The following PCGF5 variants were observed in gnomAD, a reference collection of about 807,000 sequenced individuals.
PCGF5 encodes polycomb group RING finger protein 5.
Under a neutral mutation model 44.3 loss-of-function variants are expected in PCGF5, and 9 were observed. The ratio of observed to expected loss-of-function variants is 0.20; its 90% confidence interval spans 0.12 to 0.35. The LOEUF is 0.35. PCGF5 is among the 10% of genes least tolerant of loss of function. The pLI is 1.00. For missense variants in PCGF5, 146 were observed against 305.3 expected (o/e 0.48, Z 3.89); for synonymous variants, 95 against 102.5 (o/e 0.93, Z 0.44).
At chr10:91,255,400 C>T (rs1199529129) in intron 6 of PCGF5, among the ~76,000 whole-genome samples, 1 of 152,012 alleles carries the variant, frequency 6.6e-6, no homozygotes, top group African/African-American at 2.4e-5. Context: ...TCAGGAAGGA[C>T]CTGAGAAGGC....
At position 91,279,385 on chromosome 10, in the gene PCGF5, A is replaced by G. The variant is rs773741639; in HGVS notation, c.*1069A>G. The G allele has an allele frequency of 3.3e-5, 5 of 152,192 alleles. No homozygotes were observed. The highest frequency in any genetic ancestry group is 7.4e-5 in the Non-Finnish European group (5 of 68,016). 9.4% of individuals were successfully genotyped at this position (152,192 alleles called of 1,614,324 possible). ...CCAAACTATGTGCATAAAATAGAAT[A>G]AATGCAGTATAGAACTATGCTAACC... On this transcript the variant is annotated 3_prime_UTR_variant, in exon 10 of 10. Transcript: ENST00000336126.
At chr10:91,200,915 GATTACTGT>G (rs1423494825) in intron 1 of PCGF5, among the ~76,000 whole-genome samples, 2 of 152,102 alleles carry the variant, frequency 1.3e-5, no homozygotes, top group African/African-American at 4.8e-5. Flanking sequence ...CTGTGTTCGT[GATTACTGT>G]TGACAGAGGG....
chr10:91,157,602 T>C, the PCGF5 span, among the ~76,000 whole-genome samples: 1 of 152,068 alleles, frequency 6.6e-6, no homozygotes, highest in African/African-American at 2.4e-5. Flanking sequence ...AAGAGAGACA[T>C]CCCAAAGTGG....
chr10:91,265,213 AG>A (rs768091404), intron 8 of PCGF5, among the ~76,000 whole-genome samples: 21 of 152,176 alleles, frequency 1.4e-4, no homozygotes, highest in African/African-American at 4.6e-4. Flanking sequence ...GTAGTAACTT[AG>A]GTTCTACTAA....
intron 1 of PCGF5, among the ~76,000 whole-genome samples, chr10:91,201,085 A>G (rs940783464): frequency 6.6e-6 from 1 of 152,228 alleles, no homozygotes; most frequent in African/African-American, 2.4e-5. Flanking sequence ...AGAGCTGCCC[A>G]CTTAGACCAC....
intron 5 of PCGF5, 50 bp downstream of exon 5, chr10:91,248,774 C>T (rs768262987): frequency 9.6e-6 from 14 of 1,459,006 alleles, no homozygotes; most frequent in Non-Finnish European, 1.3e-5. Context: ...AACTGGTCAG[C>T]TTTTCATAGT....
intron 1 of PCGF5, among the ~76,000 whole-genome samples, chr10:91,168,124 A>G (rs1483700796): frequency 1.3e-5 from 2 of 152,180 alleles, no homozygotes; most frequent in Admixed American, 1.3e-4. Flanking sequence ...ATCTAGATGG[A>G]TGAGAGCCAT....
intron 5 of PCGF5, among the ~76,000 whole-genome samples, chr10:91,250,479 G>T: frequency 7.0e-6 from 1 of 143,480 alleles, no homozygotes. Flanking sequence ...CTCACATCCT[G>T]TATTTGTCTG....
chr10:91,233,422 A>T (rs958839742), intron 2 of PCGF5, among the ~76,000 whole-genome samples: 5 of 151,742 alleles, frequency 3.3e-5, no homozygotes, highest in African/African-American at 1.2e-4. Flanking sequence ...AAATAAAAAT[A>T]AAAAAAAATA....
chr10:91,220,995 G>C (rs950559191), intron 1 of PCGF5, among the ~76,000 whole-genome samples, 159 bp downstream of exon 1: 5 of 151,998 alleles, frequency 3.3e-5, no homozygotes, highest in Admixed American at 6.6e-5. Flanking sequence ...CCGGGCGGGG[G>C]CTTCGGAGCT....
rs139923896 is a variant in PCGF5 at position 91,184,004 on chromosome 10, G to A, written c.-184+20923G>A. Among the ~76,000 whole-genome samples the A allele has an allele frequency of 2.7e-3, 406 of 151,914 alleles. 2 individuals are homozygous for A. Among genetic ancestry groups the A allele is most frequent in the South Asian group, 0.015 (72 of 4,806 alleles). On this transcript the variant is annotated intron_variant, in intron 1 of 9. Transcript: ENST00000614189. Reference sequence around the variant, plus strand: ...TCACTGTCTTTAATATTTTTTCTTCGTTTCGACCTTGGATAATCTGATGAT... The same window carrying A: ...TCACTGTCTTTAATATTTTTTCTTCATTTCGACCTTGGATAATCTGATGAT...
chr10:91,185,994 C>T lies in PCGF5; in HGVS notation c.-184+22913C>T, dbSNP rs189237350. ...ATTCCTGTCTTTGAGAGCCACGCAC[C>T]CTAGCTGCTTCTAGTCAGCCATCTT... On this transcript the variant is annotated intron_variant, in intron 1 of 9. Coordinates refer to the PCGF5 transcript ENST00000614189. Among the ~76,000 whole-genome samples, 1,051 of 152,238 alleles carry T rather than the reference C, an allele frequency of 6.9e-3. 11 individuals are homozygous for T. Among genetic ancestry groups the T allele is most frequent in the African/African-American group, 0.024 (1,009 of 41,528 alleles).
chr10:91,169,057 C>G (rs971208425), intron 1 of PCGF5, among the ~76,000 whole-genome samples: 1 of 150,520 alleles, frequency 6.6e-6, no homozygotes, highest in Admixed American at 6.6e-5. Flanking sequence ...AATTAATACA[C>G]TAGGCTCTCC....
At chr10:91,239,583 G>A (rs1420015181) in intron 2 of PCGF5, among the ~76,000 whole-genome samples, 1 of 152,154 alleles carries the variant, frequency 6.6e-6, no homozygotes, top group Admixed American at 6.5e-5. Context: ...AAAATTTCAG[G>A]TTATACGGGG....
At chr10:91,227,646 A>G in intron 2 of PCGF5, 1 of 1,126,162 alleles carries the variant, frequency 8.9e-7, no homozygotes, top group Non-Finnish European at 1.1e-6. Context: ...AAAACAGCTT[A>G]CTGTCTTTAT....
intron 1 of PCGF5, among the ~76,000 whole-genome samples, chr10:91,191,157 A>C (rs1376826130): frequency 1.3e-5 from 2 of 152,244 alleles, no homozygotes; most frequent in Admixed American, 1.3e-4. Flanking sequence ...TTAATTTACA[A>C]ATTAGGCACA....
At chr10:91,201,497 A>G (rs1844251270) in intron 1 of PCGF5, among the ~76,000 whole-genome samples, 1 of 152,198 alleles carries the variant, frequency 6.6e-6, no homozygotes, top group Admixed American at 6.5e-5. Flanking sequence ...CATCAAAGTG[A>G]AAGCTTACCA....
At chr10:91,270,862 T>C (rs569432372) in intron 8 of PCGF5, among the ~76,000 whole-genome samples, 62 of 152,174 alleles carry the variant, frequency 4.1e-4, no homozygotes, top group Admixed American at 9.2e-4. Context: ...GTAGTCCAAT[T>C]ACAATTAAAA....
chr10:91,257,364 A>G (rs1845782034), intron 6 of PCGF5, among the ~76,000 whole-genome samples: 1 of 152,100 alleles, frequency 6.6e-6, no homozygotes, highest in Non-Finnish European at 1.5e-5. Context: ...TGGGAAGGTG[A>G]AAGTGCAGCT....
Sources: allele counts gnomAD v4.1 joint callset (sites outside exome capture counted in the v4.1 genomes callset), GRCh38; gene constraint gnomAD v4.1.1; transcripts MANE v1.5; gene names NCBI Gene and HGNC (gene_info 2026-07-23, HGNC 2026-07-21).